Variants in GRIK2 observed in about 807,000 individuals in gnomAD.
The protein encoded by GRIK2 is glutamate ionotropic receptor kainate type subunit 2.
In GRIK2, 32 loss-of-function variants were observed where a neutral mutation model predicts 100.3. That is an observed-to-expected ratio of 0.32 (90% confidence interval 0.24 to 0.43). The LOEUF (loss-of-function observed/expected upper bound fraction) is 0.43. Ranked by LOEUF, GRIK2 falls within the 20% of genes least tolerant of loss-of-function variation. The pLI, the probability that GRIK2 is intolerant of heterozygous loss-of-function variation, is 1.00. For synonymous variants in GRIK2, 417 were observed against 389.4 expected (o/e 1.07, Z -0.83); for missense variants, 843 against 1,114.9 (o/e 0.76, Z 3.47).
At chr6:101,623,024 T>G (rs761800447) in intron 3 of GRIK2, among the ~76,000 whole-genome samples, 1 of 152,056 alleles carries the variant, frequency 6.6e-6, no homozygotes, top group Non-Finnish European at 1.5e-5. Flanking sequence ...AAGATTTTTC[T>G]CAAAGGAAAA....
At chr6:101,879,195 G>C (rs570663897) in intron 11 of GRIK2, among the ~76,000 whole-genome samples, 2 of 152,084 alleles carry the variant, frequency 1.3e-5, no homozygotes, top group South Asian at 4.1e-4. Context: ...CAACTTAAAG[G>C]TAAGAAAAGA....
At chr6:101,953,856 T>C (rs1791748111) in intron 14 of GRIK2, among the ~76,000 whole-genome samples, 1 of 152,156 alleles carries the variant, frequency 6.6e-6, no homozygotes. Flanking sequence ...GAGTTACTAC[T>C]ATATTTTTTT....
intron 7 of GRIK2, among the ~76,000 whole-genome samples, chr6:101,775,827 G>GGAGA (rs746085161): frequency 6.7e-6 from 1 of 149,630 alleles, no homozygotes; most frequent in South Asian, 2.1e-4. Context: ...ATATATATAT[G>GGAGA]GAGAGAGAGA....
chr6:101,947,559 G>A (rs1791356936), intron 14 of GRIK2, among the ~76,000 whole-genome samples: 1 of 152,104 alleles, frequency 6.6e-6, no homozygotes, highest in South Asian at 2.1e-4. Flanking sequence ...TAATAATTAT[G>A]TTGTAGTAAA....
chr6:101,924,704 G>A lies in GRIK2; in HGVS notation c.1852G>A (p.Ala618Thr), dbSNP rs1364518913. The A allele has an allele frequency of 1.9e-6, 3 of 1,595,878 alleles. No individual in the cohort carries two copies. The highest frequency in any genetic ancestry group is 1.7e-6 in the Non-Finnish European group (2 of 1,163,314). ...LLNSFWFGVGALMQQGSELMP... is the reference protein window; with the variant it reads ...LLNSFWFGVGTLMQQGSELMP... ...AAATAGTTTCTGGTTTGGAGTTGGAGCTCTCATGCAGCAAGGTATACGATT... is the reference window on the plus strand; with the variant it reads ...AAATAGTTTCTGGTTTGGAGTTGGAACTCTCATGCAGCAAGGTATACGATT... Residue 618 changes from alanine (A) to threonine (T), a missense_variant, in exon 13 of 17, where the codon GCT (alanine) becomes ACT (threonine). By Grantham distance (58) the Ala-to-Thr change is moderately conservative. Around this residue, in one of 3 missense-constraint regions of GRIK2, gnomAD observed 237 missense variants for 388.0 expected, o/e 0.61. Transcript: ENST00000369134.
intron 14 of GRIK2, among the ~76,000 whole-genome samples, chr6:101,968,657 G>A (rs1246508877): frequency 2.0e-5 from 3 of 151,916 alleles, no homozygotes; most frequent in African/African-American, 4.8e-5. Context: ...CATACTTTAT[G>A]TTCGCCTTAT....
At position 101,556,404 on chromosome 6, in the gene GRIK2, G is replaced by A. The variant is rs528829473; in HGVS notation, c.116-65545G>A. On this transcript the variant is annotated intron_variant, in intron 2 of 16. Transcript: ENST00000369134. ...GGCTGGAGTGCAGTGGCGCGATCTC[G>A]GCTCACTGCAAGCTCCGCCTTCCAG... 6.8e-5 allele frequency among the ~76,000 whole-genome samples: 9 copies of A among 133,216 alleles called. No homozygotes were observed. In the South Asian group the frequency reaches 1.7e-3, roughly 25 times the overall value. The allele number at this position is 133,216 out of a possible 152,430, so 87.4% of individuals were successfully genotyped here.
rs114861329 is a variant in GRIK2, at chr6:101,982,379, G to T, written c.2086-52962G>T. Reference sequence around the variant, plus strand: ...GTTAAGTGACAACTCTGTGCTTTTTGTATATGCAGCCACTCTATCATGCAG... The same window carrying T: ...GTTAAGTGACAACTCTGTGCTTTTTTTATATGCAGCCACTCTATCATGCAG... On this transcript the variant is annotated intron_variant, in intron 14 of 16. Transcript: ENST00000369134. 1.5e-3 allele frequency among the ~76,000 whole-genome samples: 231 copies of T among 151,874 alleles called. 1 individual carries two copies. Among genetic ancestry groups the T allele is most frequent in the African/African-American group, 5.3e-3 (221 of 41,482 alleles).
In GRIK2 at chr6:101,545,946, ATT is replaced by A. The variant is rs71028075; in HGVS notation, c.116-75992_116-75991del. 5.7e-3 allele frequency among the ~76,000 whole-genome samples: 855 copies of A among 149,094 alleles called. 3 individuals carry two copies. The highest frequency in any genetic ancestry group is 0.011 in the African/African-American group (444 of 40,738). On this transcript the variant is annotated intron_variant, in intron 2 of 16. Coordinates refer to ENST00000369134, the MANE Select transcript of GRIK2 (RefSeq NM_021956.5). ...TCTGTGCTGCCATTTAGTTCTCAAC[ATT>A]TTTTTTTTTTCTGAGCTGATCCCTC...
intron 12 of GRIK2, among the ~76,000 whole-genome samples, chr6:101,901,283 T>A (rs1348676849): frequency 6.6e-6 from 1 of 151,996 alleles, no homozygotes; most frequent in Non-Finnish European, 1.5e-5. Context: ...GACAATTGGG[T>A]GTTTTAGAAA....
intron 12 of GRIK2, among the ~76,000 whole-genome samples, chr6:101,895,684 C>G (rs1205418527): frequency 6.6e-6 from 1 of 151,636 alleles, no homozygotes; most frequent in Non-Finnish European, 1.5e-5. Flanking sequence ...TGTTGTTTGT[C>G]TTTGCCACCA....
intron 16 of GRIK2, chr6:102,066,065 T>C: frequency 2.5e-6 from 1 of 406,780 alleles, no homozygotes; most frequent in Non-Finnish European, 4.3e-6. Flanking sequence ...TGGCAATGAC[T>C]CTGTAGTTAA....
chr6:101,398,986 C>T lies in GRIK2; in HGVS notation c.-292C>T, dbSNP rs1291131996. On this transcript the variant is annotated splice_region_variant and 5_prime_UTR_variant, in exon 2 of 17. Transcript: ENST00000369134. The stretch of plus-strand genomic sequence containing the variant: ...TTCCCTCCTCCTCTGCTTTCACAGG[C>T]TCGCGCGGCCGGACATTGTGGGTGT... 1 of 442,262 alleles carries T rather than the reference C, an allele frequency of 2.3e-6. No individual in the cohort carries two copies. Among genetic ancestry groups the T allele is most frequent in the Non-Finnish European group, 4.0e-6 (1 of 251,326 alleles). 27.4% of individuals were successfully genotyped at this position (442,262 alleles called of 1,614,324 possible).
chr6:101,745,518 A>G (rs1023130344), intron 7 of GRIK2, among the ~76,000 whole-genome samples: 3 of 152,124 alleles, frequency 2.0e-5, no homozygotes, highest in African/African-American at 7.2e-5. Flanking sequence ...ATTGAGAAAT[A>G]TTTTATATAT....
At chr6:101,786,210 T>C (rs1583145724) in intron 7 of GRIK2, among the ~76,000 whole-genome samples, 2 of 152,142 alleles carry the variant, frequency 1.3e-5, no homozygotes. Context: ...TGGTGGAGTC[T>C]TTAGGTTTTT....
chr6:101,765,439 T>C (rs1777989204), intron 7 of GRIK2, among the ~76,000 whole-genome samples: 1 of 152,172 alleles, frequency 6.6e-6, no homozygotes, highest in Non-Finnish European at 1.5e-5. Context: ...TATATGTTAA[T>C]GTAGTAATAT....
intron 4 of GRIK2, among the ~76,000 whole-genome samples, chr6:101,650,132 A>G (rs2128327982): frequency 6.6e-6 from 1 of 152,206 alleles, no homozygotes. Flanking sequence ...AGGTACTTAA[A>G]TTCTCCTTTC....
chr6:101,681,019 A>T (rs1028572289), intron 5 of GRIK2, among the ~76,000 whole-genome samples: 45 of 152,222 alleles, frequency 3.0e-4, no homozygotes, highest in African/African-American at 1.1e-3. Context: ...TTTCACAAAT[A>T]TCTATTCCTT....
intron 14 of GRIK2, among the ~76,000 whole-genome samples, chr6:101,961,575 C>T (rs1296132617): frequency 6.6e-6 from 1 of 152,190 alleles, no homozygotes; most frequent in African/African-American, 2.4e-5. Context: ...GATGGAACCA[C>T]ACTCTCCCTG....
Sources: allele counts gnomAD v4.1 joint callset (sites outside exome capture counted in the v4.1 genomes callset), GRCh38; gene constraint gnomAD v4.1.1; regional missense constraint gnomAD v4.1.1; transcripts MANE v1.5; gene names NCBI Gene and HGNC (gene_info 2026-07-23, HGNC 2026-07-21).